The following BACE2 variants were observed in gnomAD, a reference collection of about 807,000 sequenced individuals.
BACE2 encodes the protein beta-secretase 2, also known as 56 kDa aspartic-like protease.
In BACE2, 17 loss-of-function variants were observed where a neutral mutation model predicts 46.2. The observed-to-expected ratio is 0.37, with a 90% CI of 0.25 to 0.55. The LOEUF (loss-of-function observed/expected upper bound fraction) is 0.55. Ranked by LOEUF, BACE2 falls within the 20% of genes least tolerant of loss-of-function variation. The probability of loss-of-function intolerance (pLI) is 0.82; values close to 1 mark genes in which losing one functional copy is unlikely to be tolerated. For missense variants in BACE2, 595 were observed against 698.1 expected (o/e 0.85, Z 1.66); for synonymous variants, 277 against 295.9 (o/e 0.94, Z 0.66).
At chr21:41,269,102 G>C (rs1370668106) in intron 8 of BACE2, among the ~76,000 whole-genome samples, 1 of 152,000 alleles carries the variant, frequency 6.6e-6, no homozygotes, top group African/African-American at 2.4e-5. Context: ...TTACAGGCGT[G>C]TGCCACCACG....
chr21:41,219,031 T>G (rs1240766496), intron 1 of BACE2, among the ~76,000 whole-genome samples: 1 of 151,992 alleles, frequency 6.6e-6, no homozygotes, highest in Non-Finnish European at 1.5e-5. Flanking sequence ...CCCGGCTAAT[T>G]TTTGTATTTT....
At chr21:41,196,102 T>C (rs1286551487) in intron 1 of BACE2, among the ~76,000 whole-genome samples, 1 of 151,950 alleles carries the variant, frequency 6.6e-6, no homozygotes, top group Non-Finnish European at 1.5e-5. Context: ...CTGGCCAACA[T>C]GGTGAAACCC....
At chr21:41,270,341 A>AT (rs1326477038) in intron 8 of BACE2, among the ~76,000 whole-genome samples, 5 of 152,042 alleles carry the variant, frequency 3.3e-5, no homozygotes, top group Non-Finnish European at 5.9e-5. Context: ...GATAAAATCC[A>AT]TTTTTTTTCC....
intron 1 of BACE2, among the ~76,000 whole-genome samples, chr21:41,208,269 A>G (rs1302158000): frequency 6.6e-6 from 1 of 152,172 alleles, no homozygotes; most frequent in Non-Finnish European, 1.5e-5. Flanking sequence ...CTTGGCCTCC[A>G]CCAGAGGGGA....
intron 1 of BACE2, chr21:41,180,878 T>C (rs2123497464): frequency 6.0e-6 from 1 of 167,252 alleles, no homozygotes; most frequent in Non-Finnish European, 1.5e-5. Context: ...TGCTAGTCTG[T>C]TATCAACAAC....
chr21:41,262,123 C>T (rs1266757607), intron 8 of BACE2, among the ~76,000 whole-genome samples: 1 of 152,014 alleles, frequency 6.6e-6, no homozygotes, highest in East Asian at 1.9e-4. Flanking sequence ...CCCAGGTGTC[C>T]CCAGAATGTT....
chr21:41,256,252 CCT>C (rs1861302513), intron 7 of BACE2, among the ~76,000 whole-genome samples: 1 of 152,112 alleles, frequency 6.6e-6, no homozygotes, highest in Non-Finnish European at 1.5e-5. Flanking sequence ...CCCTCTACCC[CCT>C]GACAGGTCCT....
rs1337204617 is a variant in BACE2 at position 41,280,109 on chromosome 21, G to A, written c.*4485G>A. 2.0e-5 allele frequency: 3 copies of A among 152,306 alleles called. No individual in the cohort carries two copies. The highest frequency in any genetic ancestry group is 6.5e-5 in the Admixed American group (1 of 15,288). The allele number at this position is 152,306 out of a possible 1,614,324, so 9.4% of individuals were successfully genotyped here. A position where few individuals can be genotyped will look rare whatever the true frequency, so the allele number is the denominator to read the frequency against. ...TGCTTGACAGCCATGTGTAAAACAC[G>A]TCTGTCCTAATCAAACTAGAGATGC... On this transcript the variant is annotated 3_prime_UTR_variant, in exon 9 of 9. Coordinates refer to ENST00000330333, the MANE Select transcript of BACE2 (RefSeq NM_012105.5).
intron 1 of BACE2, among the ~76,000 whole-genome samples, chr21:41,222,443 G>T (rs1395964146): frequency 6.6e-6 from 1 of 152,196 alleles, no homozygotes; most frequent in African/African-American, 2.4e-5. Flanking sequence ...GGGTATCCTG[G>T]GGAAGAGCCC....
intron 1 of BACE2, among the ~76,000 whole-genome samples, chr21:41,217,765 C>G (rs953099381): frequency 6.6e-6 from 1 of 152,210 alleles, no homozygotes; most frequent in Non-Finnish European, 1.5e-5. Flanking sequence ...AGAGCCAGCT[C>G]GGCAGGCAGC....
chr21:41,195,444 G>A (rs776608927), intron 1 of BACE2, among the ~76,000 whole-genome samples: 10 of 152,304 alleles, frequency 6.6e-5, no homozygotes, highest in East Asian at 1.9e-4. Flanking sequence ...CACCAGCCAC[G>A]CCCAGGGTGA....
intron 1 of BACE2, among the ~76,000 whole-genome samples, chr21:41,225,168 A>G (rs1051754523): frequency 3.3e-5 from 5 of 151,324 alleles, no homozygotes; most frequent in African/African-American, 1.2e-4. Flanking sequence ...TGGGAGGCAG[A>G]GTTTGCACTG....
Position 41,250,909 on chromosome 21 carries a change from C to T in BACE2, c.1134+8C>T. 6.2e-7 allele frequency: 1 copy of T among 1,613,734 alleles called. No homozygotes were observed. Among genetic ancestry groups the T allele is most frequent in the Non-Finnish European group, 8.5e-7 (1 of 1,179,796 alleles). ...ATCACAATCCTGCCTCAGGTATGAA[C>T]TTGGATTTGTGCTTTGCTCTTTTTA... On this transcript the variant is annotated splice_region_variant and intron_variant, in intron 7 of 8. Coordinates refer to ENST00000330333, the MANE Select transcript of BACE2 (RefSeq NM_012105.5).
At chr21:41,179,813 G>T (rs1004634263) in intron 1 of BACE2, 2 of 477,330 alleles carry the variant, frequency 4.2e-6, no homozygotes, top group African/African-American at 2.0e-5. Context: ...CAGTGTCCTG[G>T]GCTGCTTTCT....
chr21:41,224,313 C>T (rs576861937), intron 1 of BACE2, among the ~76,000 whole-genome samples: 2 of 142,278 alleles, frequency 1.4e-5, no homozygotes, highest in Admixed American at 1.5e-4. Context: ...CTCCTGGGTT[C>T]AAGCAATTCT....
chr21:41,183,903 G>T (rs1985247200), intron 1 of BACE2: 1 of 167,000 alleles, frequency 6.0e-6, no homozygotes, highest in East Asian at 1.9e-4. Flanking sequence ...AGCAAGTCAG[G>T]CATCAAGTCT....
At chr21:41,221,827 CAAAAAAAAAAAAAA>C (rs58502168) in intron 1 of BACE2, among the ~76,000 whole-genome samples, 2 of 98,746 alleles carry the variant, frequency 2.0e-5, no homozygotes, top group South Asian at 7.2e-4. Flanking sequence ...GACTCTGTCT[CAAAAAAAAAAAAAA>C]AAAAAAAAAA....
chr21:41,175,103 C>A (rs945569688), intron 1 of BACE2: 1 of 152,094 alleles, frequency 6.6e-6, no homozygotes, highest in Non-Finnish European at 1.5e-5. Flanking sequence ...AAAGTGGTCA[C>A]TTTTTTGCTC....
At chr21:41,217,785 T>A (rs1331591052) in intron 1 of BACE2, among the ~76,000 whole-genome samples, 1 of 152,242 alleles carries the variant, frequency 6.6e-6, no homozygotes, top group Non-Finnish European at 1.5e-5. Context: ...CAAGGAGGCC[T>A]GGAGGCCGGC....
Sources: allele counts gnomAD v4.1 joint callset (sites outside exome capture counted in the v4.1 genomes callset), GRCh38; gene constraint gnomAD v4.1.1; transcripts MANE v1.5; gene names NCBI Gene and HGNC (gene_info 2026-07-23, HGNC 2026-07-21).